The following ANXA8 variants were observed in gnomAD, a reference collection of about 807,000 sequenced individuals.
ANXA8 encodes the protein annexin A8, also known as VAC-beta.
Under a neutral mutation model 26.8 loss-of-function variants are expected in ANXA8, and 9 were observed. The ratio of observed to expected loss-of-function variants is 0.34; its 90% CI spans 0.20 to 0.59. ANXA8 has a LOEUF of 0.59. Ranked by LOEUF, ANXA8 falls within the 20% of genes least tolerant of loss-of-function variation. The pLI, the probability that ANXA8 is intolerant of heterozygous loss-of-function variation, is 0.84. For synonymous variants in ANXA8, 39 were observed against 94.8 expected, an observed-to-expected ratio of 0.41 and a Z score of 3.42; for missense variants, 83 against 238.5, an observed-to-expected ratio of 0.35 and a Z score of 4.29.
chr10:47,486,876 G>C (rs1403784313), upstream of ANXA8, among the ~76,000 whole-genome samples: 40 of 147,452 alleles, frequency 2.7e-4, 1 homozygote, highest in African/African-American at 9.2e-4. Flanking sequence ...GGGAGGCTGA[G>C]GCAGGAGAAT....
At chr10:47,497,854 A>G in the ANXA8 span, among the ~76,000 whole-genome samples, 10 of 149,130 alleles carry the variant, frequency 6.7e-5, no homozygotes, top group East Asian at 2.1e-4. Flanking sequence ...CAGGAGAATC[A>G]CTTGAACCCA....
chr10:47,491,854 GAACTAGGGTGGC>G, the ANXA8 span, among the ~76,000 whole-genome samples: 2 of 149,372 alleles, frequency 1.3e-5, no homozygotes, highest in African/African-American at 2.5e-5. Flanking sequence ...AGCCACCCTG[GAACTAGGGTGGC>G]AGCATCCCCT....
chr10:47,559,012 A>G, the ANXA8 span, among the ~76,000 whole-genome samples: 1 of 151,760 alleles, frequency 6.6e-6, no homozygotes, highest in Non-Finnish European at 1.5e-5. Context: ...TGGGCATTAA[A>G]AAGGGCTAAG....
At chr10:47,669,207 C>T in the ANXA8 span, among the ~76,000 whole-genome samples, 2 of 151,694 alleles carry the variant, frequency 1.3e-5, no homozygotes, top group East Asian at 3.9e-4. Flanking sequence ...AGAGATTGAG[C>T]GTTTCCTAAG....
chr10:47,729,388 T>G, the ANXA8 span, among the ~76,000 whole-genome samples: 1 of 142,560 alleles, frequency 7.0e-6, no homozygotes, highest in Admixed American at 7.2e-5. Context: ...GTGATAATTG[T>G]CAAGGGGTTA....
the ANXA8 span, among the ~76,000 whole-genome samples, chr10:47,900,930 A>G: frequency 3.2e-4 from 1 of 3,088 alleles, no homozygotes; most frequent in South Asian, 0.011. Flanking sequence ...TCCTGGTTAC[A>G]ATGGTACAAT....
At position 47,484,055 on chromosome 10, in the gene ANXA8, G is replaced by T; in HGVS notation, c.-122C>A. ...GAGCAGGCCGCTCACTTGGGTGTGG[G>T]GGTGCAAGCCCGCCCAGGGCAGCGC... On this transcript the variant is annotated 5_prime_UTR_variant, in exon 1 of 12. Transcript: ENST00000585281. 6.2e-7 allele frequency: 1 copy of T among 1,610,354 alleles called. No homozygotes were observed. Among genetic ancestry groups the T allele is most frequent in the Non-Finnish European group, 8.5e-7 (1 of 1,178,802 alleles).
chr10:47,682,731 A>G, the ANXA8 span, among the ~76,000 whole-genome samples: 1 of 151,882 alleles, frequency 6.6e-6, no homozygotes, highest in East Asian at 1.9e-4. Flanking sequence ...CGGCCTCCCA[A>G]AGTGCTGGGA....
chr10:47,628,542 TA>T, the ANXA8 span, among the ~76,000 whole-genome samples: 1 of 150,802 alleles, frequency 6.6e-6, no homozygotes, highest in African/African-American at 2.5e-5. Context: ...TTTAATTATT[TA>T]AATAGGTTCA....
the ANXA8 span, among the ~76,000 whole-genome samples, chr10:47,562,807 G>A: frequency 6.7e-6 from 1 of 149,630 alleles, no homozygotes; most frequent in East Asian, 2.0e-4. Context: ...GAAAGAGGTT[G>A]GCAGTGGGTG....
the ANXA8 span, among the ~76,000 whole-genome samples, chr10:47,651,416 G>A: frequency 1.8e-4 from 28 of 151,676 alleles, no homozygotes; most frequent in Non-Finnish European, 3.4e-4. Context: ...CAGTCTGGCA[G>A]TTCCTCAAAA....
chr10:47,572,589 C>G, the ANXA8 span, among the ~76,000 whole-genome samples: 5 of 150,578 alleles, frequency 3.3e-5, no homozygotes, highest in African/African-American at 1.2e-4. Context: ...TGGTGGCGGG[C>G]ACCTGTAATC....
chr10:47,546,414 T>G, the ANXA8 span, among the ~76,000 whole-genome samples: 1 of 114,030 alleles, frequency 8.8e-6, no homozygotes, highest in Non-Finnish European at 1.7e-5. Context: ...TTTTTTTTTT[T>G]TTTTTTGAGA....
the ANXA8 span, among the ~76,000 whole-genome samples, chr10:47,514,251 A>G: frequency 6.8e-6 from 1 of 147,418 alleles, no homozygotes; most frequent in Non-Finnish European, 1.5e-5. Flanking sequence ...ATACATACAT[A>G]TTATATATAT....
the ANXA8 span, among the ~76,000 whole-genome samples, chr10:47,702,498 G>T: frequency 1.3e-5 from 2 of 151,042 alleles, no homozygotes; most frequent in Non-Finnish European, 3.0e-5. Context: ...GTGCCACCAC[G>T]CCCAGATAAT....
the ANXA8 span, among the ~76,000 whole-genome samples, chr10:47,685,288 G>A: frequency 8.0e-5 from 12 of 150,372 alleles, no homozygotes; most frequent in South Asian, 2.3e-3. Flanking sequence ...AGAGGTTGCA[G>A]TGAGCTGAGA....
At chr10:47,983,103 T>G in the ANXA8 span, among the ~76,000 whole-genome samples, 1 of 51,796 alleles carries the variant, frequency 1.9e-5, no homozygotes. Context: ...TTGGTGAAGA[T>G]GCAGAGAAAT....
At chr10:47,686,475 G>A in the ANXA8 span, among the ~76,000 whole-genome samples, 1 of 151,814 alleles carries the variant, frequency 6.6e-6, no homozygotes, top group Non-Finnish European at 1.5e-5. Context: ...GCCTCCCGAA[G>A]TCCTGGGATT....
chr10:47,557,002 TC>T, the ANXA8 span, among the ~76,000 whole-genome samples: 2 of 144,922 alleles, frequency 1.4e-5, no homozygotes, highest in African/African-American at 5.1e-5. Context: ...TTATTTTCTT[TC>T]TTTTTTTTTT....
Sources: gnomAD v4.1 joint callset for allele counts (sites outside exome capture counted in the v4.1 genomes callset) on GRCh38, gnomAD v4.1.1 for gene constraint, MANE v1.5 for transcripts, NCBI Gene and HGNC (gene_info 2026-07-23, HGNC 2026-07-21) for gene names.